The following LRRC37A2 variants were observed in gnomAD, a reference collection of about 807,000 sequenced individuals.
The protein encoded by LRRC37A2 is leucine rich repeat containing 37 member A2.
LRRC37A2 carries 9 observed loss-of-function variants against 68.8 expected under a neutral mutation model. The ratio of observed to expected loss-of-function variants is 0.13; its 90% confidence interval spans 0.08 to 0.23. The LOEUF (loss-of-function observed/expected upper bound fraction) is 0.23, where lower values mean the gene tolerates loss of function less well. LRRC37A2 is among the 10% of genes least tolerant of loss of function. The pLI is 1.00. For missense variants in LRRC37A2, 168 were observed against 950.4 expected, an observed-to-expected ratio of 0.18 and a Z score of 10.82; for synonymous variants, 63 against 367.6, an observed-to-expected ratio of 0.17 and a Z score of 9.48.
chr17:47,000,508 A>G, the LRRC37A2 span, among the ~76,000 whole-genome samples: 1 of 152,074 alleles, frequency 6.6e-6, no homozygotes, highest in African/African-American at 2.4e-5. Flanking sequence ...GTGCTGGATT[A>G]CAAGCCTGAG....
chr17:46,915,734 C>G, the LRRC37A2 span, among the ~76,000 whole-genome samples: 1 of 152,226 alleles, frequency 6.6e-6, no homozygotes, highest in South Asian at 2.1e-4. Flanking sequence ...ACCTCTTGAT[C>G]TGTGTGGTTG....
At chr17:46,818,465 C>A in the LRRC37A2 span, 18,059 of 1,555,342 alleles carry the variant, frequency 0.012, 131 homozygotes, top group Non-Finnish European at 0.013. Context: ...CCCCCACCTT[C>A]CCCGGACGCG....
chr17:46,703,687 A>AAC, the LRRC37A2 span, among the ~76,000 whole-genome samples: 1 of 149,860 alleles, frequency 6.7e-6, no homozygotes, highest in African/African-American at 2.5e-5. Flanking sequence ...TCTCAAAAAA[A>AAC]AAAAAAAAAA....
At chr17:46,940,226 G>A in the LRRC37A2 span, 1 of 1,420,054 alleles carries the variant, frequency 7.0e-7, no homozygotes, top group South Asian at 1.6e-5. Flanking sequence ...GATTAACTGA[G>A]TTTCCTGGAT....
chr17:46,880,728 T>C, the LRRC37A2 span, among the ~76,000 whole-genome samples: 6 of 152,188 alleles, frequency 3.9e-5, no homozygotes, highest in Admixed American at 6.5e-5. Flanking sequence ...GGGATTTTTT[T>C]CCTCTGTACA....
the LRRC37A2 span, chr17:46,876,977 G>C: frequency 5.1e-3 from 6,551 of 1,291,648 alleles, 30 homozygotes; most frequent in Non-Finnish European, 5.9e-3. Context: ...GGAGGGCAGA[G>C]TGAGAAAGAC....
chr17:46,851,129 C>G, the LRRC37A2 span, among the ~76,000 whole-genome samples: 1 of 152,176 alleles, frequency 6.6e-6, no homozygotes, highest in African/African-American at 2.4e-5. This position sits in a 1 kb window ranked among gnomAD's most constrained non-coding sequence, Gnocchi z 4.3. Context: ...GCGAAGAGAC[C>G]GCACTTGCCC....
At chr17:47,037,187 G>A in the LRRC37A2 span, among the ~76,000 whole-genome samples, 5 of 151,210 alleles carry the variant, frequency 3.3e-5, no homozygotes, top group Non-Finnish European at 7.4e-5. Context: ...CTACTCAGGA[G>A]GCTGAGGTAG....
chr17:46,979,786 C>A, the LRRC37A2 span, among the ~76,000 whole-genome samples: 1 of 66,258 alleles, frequency 1.5e-5, no homozygotes, highest in Non-Finnish European at 3.6e-5. Flanking sequence ...AAATAAATTA[C>A]TGTTTTTTTC....
the LRRC37A2 span, chr17:46,939,298 C>A: frequency 9.9e-7 from 1 of 1,014,676 alleles, no homozygotes; most frequent in Non-Finnish European, 1.2e-6. Context: ...TGACTGACTG[C>A]CAATACTTGT....
the LRRC37A2 span, among the ~76,000 whole-genome samples, chr17:46,775,514 C>G: frequency 6.6e-6 from 1 of 151,960 alleles, no homozygotes. Flanking sequence ...AACTGAGGAG[C>G]CAGATCTGGG....
chr17:46,967,740 T>G, the LRRC37A2 span, among the ~76,000 whole-genome samples: 2 of 152,094 alleles, frequency 1.3e-5, no homozygotes, highest in African/African-American at 2.4e-5. Context: ...CAACAGAGAC[T>G]GACTACAGGC....
the LRRC37A2 span, among the ~76,000 whole-genome samples, chr17:47,007,182 T>C: frequency 6.6e-6 from 1 of 152,196 alleles, no homozygotes; most frequent in African/African-American, 2.4e-5. Flanking sequence ...TTTTTCTTTC[T>C]CTTTTCTTTT....
chr17:46,466,805 G>A, the LRRC37A2 span, among the ~76,000 whole-genome samples: 5 of 102,236 alleles, frequency 4.9e-5, no homozygotes, highest in East Asian at 1.2e-3. Flanking sequence ...TCTGGTTCTG[G>A]ATCCTTCAGG....
At chr17:46,890,234 C>T in the LRRC37A2 span, among the ~76,000 whole-genome samples, 1 of 152,310 alleles carries the variant, frequency 6.6e-6, no homozygotes, top group Non-Finnish European at 1.5e-5. Context: ...TACGTTCCTT[C>T]ATCTCAGCTT....
the LRRC37A2 span, among the ~76,000 whole-genome samples, chr17:46,852,101 C>G: frequency 6.6e-6 from 1 of 152,248 alleles, no homozygotes; most frequent in Non-Finnish European, 1.5e-5. Context: ...CCCTGTCTGC[C>G]GCCATCCTGG....
At chr17:46,936,468 C>T in the LRRC37A2 span, 1 of 985,372 alleles carries the variant, frequency 1.0e-6, no homozygotes, top group Non-Finnish European at 1.2e-6. Context: ...TCTAACTTTC[C>T]TCTGCACACC....
At chr17:46,868,482 G>A in the LRRC37A2 span, among the ~76,000 whole-genome samples, 1 of 152,108 alleles carries the variant, frequency 6.6e-6, no homozygotes, top group South Asian at 2.1e-4. Flanking sequence ...CATAATCCCA[G>A]CTACTCGGGA....
intron 8 of LRRC37A2, among the ~76,000 whole-genome samples, chr17:46,542,546 T>C (rs1245246152): frequency 6.7e-6 from 1 of 148,400 alleles, no homozygotes; most frequent in African/African-American, 2.6e-5. Context: ...TATATATAAA[T>C]CAGCCAGGTG....
Sources: allele counts gnomAD v4.1 joint callset (sites outside exome capture counted in the v4.1 genomes callset), GRCh38; gene constraint gnomAD v4.1.1; non-coding constraint Gnocchi (gnomAD v3.1); transcripts MANE v1.5; gene names NCBI Gene and HGNC (gene_info 2026-07-23, HGNC 2026-07-21).